Variants in SGMS1 observed in about 807,000 individuals in gnomAD.
SGMS1 encodes phosphatidylcholine:ceramide cholinephosphotransferase 1.
In SGMS1, 13 loss-of-function variants were observed where a neutral mutation model predicts 46.2. The observed-to-expected ratio is 0.28, with a 90% CI of 0.18 to 0.45. The LOEUF (loss-of-function observed/expected upper bound fraction) is 0.45. Among genes scored for constraint, SGMS1 ranks in the 20% least tolerant of loss-of-function variants. The pLI is 1.00. For synonymous variants in SGMS1, 203 were observed against 187.8 expected (o/e 1.08, Z -0.66); for missense variants, 324 against 519.9 (o/e 0.62, Z 3.66).
At chr10:50,388,471 T>TAAA (rs56992240) in intron 6 of SGMS1, among the ~76,000 whole-genome samples, 24 of 85,080 alleles carry the variant, frequency 2.8e-4, no homozygotes, top group Non-Finnish European at 4.0e-4. Flanking sequence ...CTGTCTCTAC[T>TAAA]AAAAAAAAAA....
At chr10:50,311,633 TCA>T (rs1305425033) in intron 8 of SGMS1, among the ~76,000 whole-genome samples, 3 of 152,218 alleles carry the variant, frequency 2.0e-5, no homozygotes, top group Admixed American at 6.5e-5. Flanking sequence ...TCAGGACTTT[TCA>T]CAGTTAGCAC....
intron 2 of SGMS1, among the ~76,000 whole-genome samples, chr10:50,563,868 T>C (rs886808475): frequency 6.6e-6 from 1 of 151,702 alleles, no homozygotes; most frequent in African/African-American, 2.4e-5. Flanking sequence ...TACACTTGCG[T>C]GTGCTATGGA....
intron 6 of SGMS1, among the ~76,000 whole-genome samples, chr10:50,349,542 T>C (rs1189676092): frequency 1.6e-5 from 1 of 63,498 alleles, no homozygotes. Flanking sequence ...CTGATATAGC[T>C]TGGCTGTGTC....
At chr10:50,566,883 C>A (rs946108969) in intron 2 of SGMS1, among the ~76,000 whole-genome samples, 1 of 152,138 alleles carries the variant, frequency 6.6e-6, no homozygotes, top group Non-Finnish European at 1.5e-5. Context: ...CCTAACACAA[C>A]GAAAATGCTT....
chr10:50,462,820 A>C (rs1837281429), intron 4 of SGMS1, among the ~76,000 whole-genome samples: 2 of 152,194 alleles, frequency 1.3e-5, no homozygotes, highest in South Asian at 4.1e-4. Flanking sequence ...TGGAAAGCGG[A>C]GATGACTGTG....
Position 50,379,565 on chromosome 10 carries a change from C to T in SGMS1, c.-231-35220G>A, listed in dbSNP as rs369301531. 2.0e-5 allele frequency among the ~76,000 whole-genome samples: 3 copies of T among 151,936 alleles called. No homozygotes were observed. The East Asian group carries it at 5.8e-4, about 29-fold the overall frequency. On this transcript the variant is annotated intron_variant, in intron 6 of 10. Coordinates refer to ENST00000361781, the MANE Select transcript of SGMS1 (RefSeq NM_147156.4). ...GGTCAGGGAATTTCAATTGTTTATA[C>T]ATGATTTATAAATAATAATTACATA...
At chr10:50,430,656 G>A (rs1246459441) in intron 6 of SGMS1, among the ~76,000 whole-genome samples, 1 of 152,074 alleles carries the variant, frequency 6.6e-6, no homozygotes, top group Admixed American at 6.5e-5. Flanking sequence ...CATATCATCT[G>A]CTCCTGAATC....
intron 6 of SGMS1, among the ~76,000 whole-genome samples, chr10:50,428,624 T>C (rs1349268834): frequency 6.6e-6 from 1 of 152,224 alleles, no homozygotes; most frequent in Non-Finnish European, 1.5e-5. Context: ...CTCATAATCT[T>C]TCAGATACTG....
intron 3 of SGMS1, 76 bp from the exon 4 acceptor site, chr10:50,467,008 A>G (rs907528939): frequency 1.3e-5 from 2 of 152,162 alleles, no homozygotes; most frequent in African/African-American, 4.8e-5. Flanking sequence ...ACTAAAATCC[A>G]AGTTAACTAT....
intron 2 of SGMS1, among the ~76,000 whole-genome samples, chr10:50,539,920 G>A (rs1030474154): frequency 6.6e-6 from 1 of 152,144 alleles, no homozygotes; most frequent in Non-Finnish European, 1.5e-5. Context: ...TTTAATTTAT[G>A]TGTATATAAA....
intron 2 of SGMS1, among the ~76,000 whole-genome samples, chr10:50,565,302 T>G (rs11006152): frequency 0.062 from 9,509 of 152,156 alleles, 979 homozygotes; most frequent in African/African-American, 0.22. Context: ...AAATATATAT[T>G]TTTATACAAA....
intron 5 of SGMS1, among the ~76,000 whole-genome samples, chr10:50,450,238 T>G (rs1837089596): frequency 6.6e-6 from 1 of 152,164 alleles, no homozygotes; most frequent in African/African-American, 2.4e-5. Context: ...AAATTTATAC[T>G]TTACAGGAAA....
intron 3 of SGMS1, among the ~76,000 whole-genome samples, chr10:50,501,008 G>T (rs752049906): frequency 2.6e-5 from 4 of 152,192 alleles, no homozygotes; most frequent in Non-Finnish European, 5.9e-5. Flanking sequence ...ATTAACCAAT[G>T]CTGGGAAGAC....
intron 3 of SGMS1, among the ~76,000 whole-genome samples, chr10:50,502,427 G>A (rs570229939): frequency 6.6e-6 from 1 of 151,902 alleles, no homozygotes; most frequent in African/African-American, 2.4e-5. Flanking sequence ...ATCCCACTGA[G>A]AGCCCAGTTC....
At chr10:50,532,645 C>T (rs1324563066) in intron 2 of SGMS1, among the ~76,000 whole-genome samples, 1 of 152,146 alleles carries the variant, frequency 6.6e-6, no homozygotes, top group Non-Finnish European at 1.5e-5. Flanking sequence ...TGTTGTTAAC[C>T]TTGCATCAAG....
At chr10:50,482,499 G>A (rs1001386496) in intron 3 of SGMS1, among the ~76,000 whole-genome samples, 3 of 152,152 alleles carry the variant, frequency 2.0e-5, no homozygotes, top group Non-Finnish European at 2.9e-5. Context: ...AAACACTGAG[G>A]GAATTTGTCA....
At chr10:50,528,404 G>A (rs1409711710) in intron 2 of SGMS1, among the ~76,000 whole-genome samples, 4 of 152,166 alleles carry the variant, frequency 2.6e-5, no homozygotes, top group Non-Finnish European at 5.9e-5. Context: ...TGAGGATTCT[G>A]AGCCTCTCAG....
chr10:50,382,860 GCA>G (rs1184433671), intron 6 of SGMS1, among the ~76,000 whole-genome samples: 1 of 152,128 alleles, frequency 6.6e-6, no homozygotes, highest in Non-Finnish European at 1.5e-5. Flanking sequence ...ATTAAAAATA[GCA>G]CCACACTATG....
intron 3 of SGMS1, among the ~76,000 whole-genome samples, chr10:50,507,012 G>A (rs1433143440): frequency 6.6e-6 from 1 of 152,154 alleles, no homozygotes; most frequent in Non-Finnish European, 1.5e-5. Context: ...CCAGAATGCT[G>A]GTACCGAATG....
Sources: gnomAD v4.1 joint callset for allele counts (sites outside exome capture counted in the v4.1 genomes callset) on GRCh38, gnomAD v4.1.1 for gene constraint, MANE v1.5 for transcripts, NCBI Gene and HGNC (gene_info 2026-07-23, HGNC 2026-07-21) for gene names.